KHDRBS2: variants seen among roughly 807,000 people sequenced by gnomAD.
KHDRBS2 encodes KH RNA binding domain containing, signal transduction associated 2, also known as KH domain-containing, RNA-binding, signal transduction-associated protein 2.
KHDRBS2 carries 26 observed loss-of-function variants against 44.3 expected under a neutral mutation model. The observed-to-expected ratio is 0.59, with a 90% CI of 0.43 to 0.81. The LOEUF is 0.81. Ranked by LOEUF, KHDRBS2 falls within the 40% of genes least tolerant of loss-of-function variation. The probability of loss-of-function intolerance (pLI) is 0.00; values close to 1 mark genes in which losing one functional copy is unlikely to be tolerated. For synonymous variants in KHDRBS2, 194 were observed against 151.1 expected (o/e 1.28, Z -2.08); for missense variants, 476 against 433.1 (o/e 1.10, Z -0.88).
intron 2 of KHDRBS2, among the ~76,000 whole-genome samples, chr6:62,066,062 A>T (rs1393852711): frequency 6.6e-6 from 1 of 151,680 alleles, no homozygotes; most frequent in Non-Finnish European, 1.5e-5. Flanking sequence ...CGTCTTTGCC[A>T]TATTTATACA....
chr6:61,594,642 G>C, the KHDRBS2 span, among the ~76,000 whole-genome samples: 1 of 151,922 alleles, frequency 6.6e-6, no homozygotes, highest in African/African-American at 2.4e-5. Flanking sequence ...TACAATTTTG[G>C]AACACATTTA....
At chr6:61,624,600 A>G in the KHDRBS2 span, among the ~76,000 whole-genome samples, 883 of 152,298 alleles carry the variant, frequency 5.8e-3, 11 homozygotes, top group African/African-American at 0.02. Flanking sequence ...CTTCATTACA[A>G]GTATGGTACA....
chr6:61,897,099 A>G (rs1330869126), intron 5 of KHDRBS2, among the ~76,000 whole-genome samples: 1 of 152,154 alleles, frequency 6.6e-6, no homozygotes, highest in East Asian at 1.9e-4. Flanking sequence ...TCTTCCTAAC[A>G]TAATGCCATA....
chr6:61,702,852 G>T (rs183967616), intron 7 of KHDRBS2, among the ~76,000 whole-genome samples: 7 of 151,906 alleles, frequency 4.6e-5, no homozygotes, highest in African/African-American at 9.6e-5. Flanking sequence ...CTAAGGTCTA[G>T]AAGTCAAAAA....
chr6:61,966,891 T>A (rs1231667497), intron 4 of KHDRBS2, among the ~76,000 whole-genome samples: 1 of 151,900 alleles, frequency 6.6e-6, no homozygotes, highest in African/African-American at 2.4e-5. Context: ...TCAGAAATGC[T>A]CATTCATTCA....
intron 3 of KHDRBS2, among the ~76,000 whole-genome samples, chr6:62,020,435 G>A (rs1607079): frequency 0.046 from 7,050 of 151,850 alleles, 211 homozygotes; most frequent in African/African-American, 0.073. Flanking sequence ...TGGAGTGTGG[G>A]GTATTGTCTA....
At chr6:61,796,737 A>G (rs751123525) in intron 6 of KHDRBS2, among the ~76,000 whole-genome samples, 16 of 152,116 alleles carry the variant, frequency 1.1e-4, no homozygotes, top group Non-Finnish European at 2.4e-4. Flanking sequence ...ATGTATGACT[A>G]TTTCTGAAAG....
intron 3 of KHDRBS2, among the ~76,000 whole-genome samples, chr6:62,002,904 T>A (rs2127260727): frequency 6.6e-6 from 1 of 152,194 alleles, no homozygotes; most frequent in Non-Finnish European, 1.5e-5. Flanking sequence ...AACATGCAAT[T>A]TAGAAAACTG....
chr6:62,190,283 T>C (rs1824315040), intron 1 of KHDRBS2, among the ~76,000 whole-genome samples: 1 of 152,124 alleles, frequency 6.6e-6, no homozygotes, highest in Non-Finnish European at 1.5e-5. Flanking sequence ...ATGCTGCGTA[T>C]CTTTATAAGA....
intron 1 of KHDRBS2, among the ~76,000 whole-genome samples, chr6:62,262,682 G>T (rs2150182670): frequency 6.6e-6 from 1 of 151,708 alleles, no homozygotes; most frequent in East Asian, 1.9e-4. Flanking sequence ...TTTTTAGCAA[G>T]TATTGCTTTA....
the KHDRBS2 span, among the ~76,000 whole-genome samples, chr6:61,564,404 C>A: frequency 2.0e-5 from 3 of 152,020 alleles, no homozygotes; most frequent in African/African-American, 7.2e-5. Flanking sequence ...TATGTTAGCT[C>A]CTCCAGGTGG....
chr6:61,623,203 G>A, the KHDRBS2 span, among the ~76,000 whole-genome samples: 4 of 152,074 alleles, frequency 2.6e-5, no homozygotes, highest in Non-Finnish European at 4.4e-5. Flanking sequence ...TCCTGAATCC[G>A]AACATATTTT....
the KHDRBS2 span, among the ~76,000 whole-genome samples, chr6:61,602,844 C>T: frequency 2.0e-5 from 3 of 152,152 alleles, no homozygotes; most frequent in Non-Finnish European, 1.5e-5. Context: ...GTTATCCCCA[C>T]CTGCCCAGCT....
At chr6:62,221,049 G>C (rs1830811531) in intron 1 of KHDRBS2, among the ~76,000 whole-genome samples, 5 of 151,154 alleles carry the variant, frequency 3.3e-5, no homozygotes, top group Admixed American at 2.6e-4. Context: ...CAATTCCCAA[G>C]ATATGAAAGC....
chr6:61,897,202 A>G lies in KHDRBS2; in HGVS notation c.612-2369T>C, dbSNP rs73487366. Among the ~76,000 whole-genome samples the G allele has an allele frequency of 9.8e-3, 1,497 of 152,270 alleles. 25 individuals are homozygous for G. The highest frequency in any genetic ancestry group is 0.035 in the African/African-American group (1,438 of 41,556). On this transcript the variant is annotated intron_variant, in intron 5 of 8. Coordinates refer to ENST00000281156, the MANE Select transcript of KHDRBS2 (RefSeq NM_152688.4). ...TTTTGAAAATTCCAAATTCCAGGCC[A>G]TACCCTAGGCCAATTAAACCACAAT...
At chr6:61,821,176 A>C (rs1003639574) in intron 6 of KHDRBS2, among the ~76,000 whole-genome samples, 2 of 151,944 alleles carry the variant, frequency 1.3e-5, no homozygotes, top group Middle Eastern at 3.2e-3. Flanking sequence ...CTTGACTTTC[A>C]ACTCTCTCTT....
intron 1 of KHDRBS2, among the ~76,000 whole-genome samples, chr6:62,213,873 CAAAAAAAAAAAA>C (rs67482871): frequency 1.7e-4 from 7 of 41,488 alleles, no homozygotes; most frequent in East Asian, 1.1e-3. Flanking sequence ...GACTCCATCT[CAAAAAAAAAAAA>C]AAAAAAAAAA....
chr6:62,081,035 C>A (rs969349862), intron 2 of KHDRBS2, among the ~76,000 whole-genome samples: 3 of 152,030 alleles, frequency 2.0e-5, no homozygotes, highest in African/African-American at 7.2e-5. Flanking sequence ...TAATACTGAC[C>A]ATACGTTATA....
At chr6:62,268,931 G>T (rs1360207196) in intron 1 of KHDRBS2, among the ~76,000 whole-genome samples, 1 of 152,010 alleles carries the variant, frequency 6.6e-6, no homozygotes, top group Non-Finnish European at 1.5e-5. Flanking sequence ...TATTTTGGCA[G>T]ATTTCATATA....
Sources: gnomAD v4.1 joint callset for allele counts (sites outside exome capture counted in the v4.1 genomes callset) on GRCh38, gnomAD v4.1.1 for gene constraint, MANE v1.5 for transcripts, NCBI Gene and HGNC (gene_info 2026-07-23, HGNC 2026-07-21) for gene names.